Variants in ZRANB3 observed in about 807,000 individuals in gnomAD.
ZRANB3 encodes DNA annealing helicase and endonuclease ZRANB3.
Under a neutral mutation model 133.8 loss-of-function variants are expected in ZRANB3, and 125 were observed. That is an observed-to-expected ratio of 0.93 (90% CI 0.81 to 1.08). ZRANB3 has a LOEUF of 1.08. Among genes scored for constraint, ZRANB3 ranks in the 50% least tolerant of loss-of-function variants. ZRANB3 has a pLI of 0.00. For synonymous variants in ZRANB3, 387 were observed against 432.7 expected (o/e 0.89, Z 1.31); for missense variants, 1,229 against 1,275.5 (o/e 0.96, Z 0.56).
At chr2:135,249,779 T>C (rs11900835) in intron 12 of ZRANB3, among the ~76,000 whole-genome samples, 9,428 of 152,254 alleles carry the variant, frequency 0.062, 575 homozygotes, top group African/African-American at 0.16. Flanking sequence ...CTGCCTGCTG[T>C]TGATTCTGAG....
At chr2:135,247,470 A>C (rs557276626) in intron 12 of ZRANB3, among the ~76,000 whole-genome samples, 63 of 152,362 alleles carry the variant, frequency 4.1e-4, no homozygotes, top group Admixed American at 9.1e-4. Flanking sequence ...GAGAGAAAAC[A>C]AAACAAAACA....
At position 135,315,507 on chromosome 2, in the gene ZRANB3, C is replaced by A; in HGVS notation, c.701G>T (p.Trp234Leu). The change falls in exon 7 of 21, where the codon TGG becomes TTG. Residue 234 changes from tryptophan to leucine, a missense_variant. Trp to Leu is a moderately conservative substitution (Grantham distance 61). Transcript: ENST00000264159. ...HIRYFGKRPQ[W>L]DCRGASNLNE... is the part of the protein sequence containing the mutation. The stretch of plus-strand genomic sequence containing the variant: ...AAGATTTGATGCCCCTCTACAATCC[C>A]ACTGAGGTCTTTTACCAAAATATCT... 6.5e-7 allele frequency: 1 copy of A among 1,545,452 alleles called. No individual in the cohort carries two copies. The highest frequency in any genetic ancestry group is 8.7e-7 in the Non-Finnish European group (1 of 1,152,526).
chr2:135,450,634 GAAAC>G (rs1242894914), intron 2 of ZRANB3, among the ~76,000 whole-genome samples: 4 of 151,332 alleles, frequency 2.6e-5, no homozygotes, highest in African/African-American at 9.7e-5. Flanking sequence ...TGAAAACAAA[GAAAC>G]AAAAAAAAAT....
At chr2:135,284,830 C>T (rs563559320) in intron 8 of ZRANB3, among the ~76,000 whole-genome samples, 2 of 151,192 alleles carry the variant, frequency 1.3e-5, no homozygotes, top group Admixed American at 1.3e-4. Context: ...GAGGTTATTT[C>T]TTCTTTTTTT....
intron 1 of ZRANB3, among the ~76,000 whole-genome samples, chr2:135,507,168 A>G (rs1307444447): frequency 6.6e-6 from 1 of 152,266 alleles, no homozygotes; most frequent in Non-Finnish European, 1.5e-5. Context: ...ATGTAGAATC[A>G]AAATGTGGAC....
chr2:135,240,781 T>C lies in ZRANB3; in HGVS notation c.1540-9854A>G, dbSNP rs896289566. Reference sequence around the variant, plus strand: ...TTTTTGCAGAGATTGAGTTTCAACATGTTGCCCAGGCTGGTCTTGAACTGT... The same window carrying C: ...TTTTTGCAGAGATTGAGTTTCAACACGTTGCCCAGGCTGGTCTTGAACTGT... On this transcript the variant is annotated intron_variant, in intron 12 of 20. Transcript: ENST00000264159. Among the ~76,000 whole-genome samples, 3 of 152,290 alleles carry C rather than the reference T, an allele frequency of 2.0e-5. No homozygotes were observed. In the East Asian group the frequency reaches 5.8e-4, roughly 29 times the overall value.
intron 2 of ZRANB3, among the ~76,000 whole-genome samples, chr2:135,435,660 T>G (rs949950900): frequency 1.3e-5 from 2 of 152,198 alleles, no homozygotes; most frequent in Non-Finnish European, 1.5e-5. Flanking sequence ...TCTGTTATTT[T>G]TTTGACTTTT....
rs1694677854 is a variant in ZRANB3, at chr2:135,224,453, A to G, written c.2223T>C (p.Asn741=). 1 of 1,613,256 alleles carries G rather than the reference A, an allele frequency of 6.2e-7. No homozygotes were observed. Among genetic ancestry groups the G allele is most frequent in the African/African-American group, 1.3e-5 (1 of 74,918 alleles). ...YDTLMFCASR[N]TDRIHIYTKD... ...TAGTATAGATGTGAATCCGGTCAGT[A>G]TTCCTACTTGCACAGAACATTAAGG... The change falls in exon 15 of 21, where the codon AAT becomes AAC. Residue 741 remains asparagine (N), a synonymous_variant. Transcript: ENST00000264159.
At chr2:135,384,688 C>T (rs1242482999) in intron 3 of ZRANB3, among the ~76,000 whole-genome samples, 3 of 152,198 alleles carry the variant, frequency 2.0e-5, no homozygotes, top group African/African-American at 4.8e-5. Context: ...GCTGGTTCAA[C>T]ATATGCAAAT....
intron 1 of ZRANB3, among the ~76,000 whole-genome samples, chr2:135,508,742 G>T (rs1306188223): frequency 3.3e-5 from 5 of 151,836 alleles, no homozygotes; most frequent in Non-Finnish European, 7.4e-5. Context: ...CTATTTATAG[G>T]ATCTAAAGTA....
At position 135,262,796 on chromosome 2, in the gene ZRANB3, T is replaced by C. The variant is rs1265560559; in HGVS notation, c.1539+2738A>G. Among the ~76,000 whole-genome samples, 6 of 145,946 alleles carry C rather than the reference T, an allele frequency of 4.1e-5. No homozygotes were observed. The East Asian group carries it at 1.2e-3, about 29-fold the overall frequency. ...AGCCTGTCTTTTAAAAAAATAAGAA[T>C]TAAAAAAAAAAAAGGCTAGGAAACA... On this transcript the variant is annotated intron_variant, in intron 12 of 20. Coordinates refer to ENST00000264159, the MANE Select transcript of ZRANB3 (RefSeq NM_032143.4).
intron 2 of ZRANB3, among the ~76,000 whole-genome samples, chr2:135,425,663 A>T (rs1689030117): frequency 6.6e-6 from 1 of 152,192 alleles, no homozygotes; most frequent in African/African-American, 2.4e-5. Flanking sequence ...AAGATACAAC[A>T]TACCAGAATC....
At chr2:135,326,805 C>A (rs1018670978) in intron 6 of ZRANB3, among the ~76,000 whole-genome samples, 2 of 147,168 alleles carry the variant, frequency 1.4e-5, no homozygotes, top group Admixed American at 7.2e-5. Flanking sequence ...GAGGCTGAGG[C>A]AGGGGAATTG....
rs111538679 is a variant in ZRANB3 at position 135,274,623 on chromosome 2, T to C, written c.1086+1013A>G. Among the ~76,000 whole-genome samples, 449 of 152,194 alleles carry C rather than the reference T, an allele frequency of 3.0e-3. 3 individuals are homozygous for C. Among genetic ancestry groups the C allele is most frequent in the African/African-American group, 0.01 (418 of 41,562 alleles). On this transcript the variant is annotated intron_variant, in intron 9 of 20. Coordinates refer to ENST00000264159, the MANE Select transcript of ZRANB3 (RefSeq NM_032143.4). Reference sequence around the variant, plus strand: ...TTTTAAATTTTTTTAATTTATTTTTTATTTATTTATTTTTAGTATTTATTG... The same window carrying C: ...TTTTAAATTTTTTTAATTTATTTTTCATTTATTTATTTTTAGTATTTATTG...
intron 2 of ZRANB3, among the ~76,000 whole-genome samples, chr2:135,476,752 G>A (rs1013928108): frequency 6.8e-6 from 1 of 147,438 alleles, no homozygotes; most frequent in African/African-American, 2.5e-5. Flanking sequence ...CTCCCAGGCT[G>A]GAGGGCAGTG....
chr2:135,251,191 T>C (rs1679373748), intron 12 of ZRANB3, among the ~76,000 whole-genome samples: 1 of 152,226 alleles, frequency 6.6e-6, no homozygotes, highest in Non-Finnish European at 1.5e-5. Context: ...ATGGGCCCTG[T>C]ATCCCCTTTG....
chr2:135,295,761 A>AG (rs1682036459), intron 8 of ZRANB3, among the ~76,000 whole-genome samples: 2 of 152,106 alleles, frequency 1.3e-5, no homozygotes, highest in East Asian at 3.8e-4. Flanking sequence ...GAGCTCTGGT[A>AG]GGGCAGGTCT....
At chr2:135,278,498 G>A (rs1573816846) in intron 8 of ZRANB3, among the ~76,000 whole-genome samples, 1 of 152,134 alleles carries the variant, frequency 6.6e-6, no homozygotes, top group African/African-American at 2.4e-5. Context: ...ATAAAGGAAA[G>A]AGGTAAAAAT....
rs545776148 is a variant in ZRANB3, at chr2:135,233,110, A to G, written c.1540-2183T>C. Among the ~76,000 whole-genome samples, 451 of 152,362 alleles carry G rather than the reference A, an allele frequency of 3.0e-3. 1 individual carries two copies. The highest frequency in any genetic ancestry group is 0.01 in the African/African-American group (427 of 41,584). On this transcript the variant is annotated intron_variant, in intron 12 of 20. Coordinates refer to ENST00000264159, the MANE Select transcript of ZRANB3 (RefSeq NM_032143.4). ...GAGAAGTCCTTAAAGGACCTGATGG[A>G]GCTGAAAACCATGGCACGAGAGCTA...
Sources: gnomAD v4.1 joint callset for allele counts (sites outside exome capture counted in the v4.1 genomes callset) on GRCh38, gnomAD v4.1.1 for gene constraint, MANE v1.5 for transcripts, NCBI Gene and HGNC (gene_info 2026-07-23, HGNC 2026-07-21) for gene names.